Variants in ASAP1 observed in about 807,000 individuals in gnomAD.
ASAP1 encodes ArfGAP with SH3 domain, ankyrin repeat and PH domain 1.
ASAP1 carries 43 observed loss-of-function variants against 145.2 expected under a neutral mutation model. That is an observed-to-expected ratio of 0.30 (90% CI 0.23 to 0.38). The LOEUF is 0.38. ASAP1 is among the 10% of genes least tolerant of loss of function. The pLI is 1.00. For synonymous variants in ASAP1, 546 were observed against 515.5 expected (o/e 1.06, Z -0.80); for missense variants, 1,018 against 1,355.3 (o/e 0.75, Z 3.91).
At chr8:130,313,035 G>C (rs1046574389) in intron 3 of ASAP1, among the ~76,000 whole-genome samples, 8 of 152,178 alleles carry the variant, frequency 5.3e-5, no homozygotes, top group African/African-American at 1.9e-4. Context: ...GTTCATGAAA[G>C]AACACAAGTG....
intron 5 of ASAP1, chr8:130,208,885 A>G (rs1816398761): frequency 6.6e-6 from 1 of 152,198 alleles, no homozygotes; most frequent in Non-Finnish European, 1.5e-5. Flanking sequence ...AGCAAATTCA[A>G]AATTGCTTAG....
In ASAP1 at chr8:130,376,903, CAAAAAAAAAAAA is replaced by C. The variant is rs34006260; in HGVS notation, c.60-18772_60-18761del. The stretch of plus-strand genomic sequence containing the variant: ...CAGCAACAAGAGCAAAACTCCATCT[CAAAAAAAAAAAA>C]AAAAAAAAAAAAAAAGTCTTGCTCT... On this transcript the variant is annotated intron_variant, in intron 2 of 29. Transcript: ENST00000518721. 5.4e-4 allele frequency among the ~76,000 whole-genome samples: 14 copies of C among 26,020 alleles called. No individual in the cohort carries two copies. In the South Asian group the frequency reaches 6.3e-3, roughly 12 times the overall value. The allele number at this position is 26,020 out of a possible 152,430, so 17.1% of individuals were successfully genotyped here. A position where few individuals can be genotyped will look rare whatever the true frequency, so the allele number is the denominator to read the frequency against.
intron 3 of ASAP1, among the ~76,000 whole-genome samples, chr8:130,322,923 G>C (rs1393965236): frequency 6.6e-6 from 1 of 152,192 alleles, no homozygotes; most frequent in Non-Finnish European, 1.5e-5. Context: ...TGTGTCGGAT[G>C]GAACTTTCTA....
intron 4 of ASAP1, among the ~76,000 whole-genome samples, chr8:130,234,221 T>C (rs540335093): frequency 2.0e-5 from 3 of 152,200 alleles, no homozygotes; most frequent in East Asian, 1.9e-4. Flanking sequence ...CTATCCAATA[T>C]GGCACCCACT....
chr8:130,319,348 TC>T (rs2137638919), intron 3 of ASAP1, among the ~76,000 whole-genome samples: 1 of 152,318 alleles, frequency 6.6e-6, no homozygotes, highest in East Asian at 1.9e-4. Context: ...TGAGAAAAAT[TC>T]CTGGCACTTC....
chr8:130,370,326 A>C (rs13275883), intron 2 of ASAP1, among the ~76,000 whole-genome samples: 58,142 of 151,896 alleles, frequency 0.38, 11,680 homozygotes, highest in Non-Finnish European at 0.41. Flanking sequence ...AACAAACAAA[A>C]AAAACAGAGA....
At chr8:130,175,229 T>G (rs1035112677) in intron 9 of ASAP1, among the ~76,000 whole-genome samples, 1 of 152,106 alleles carries the variant, frequency 6.6e-6, no homozygotes, top group African/African-American at 2.4e-5. Context: ...TGTGTGTGTG[T>G]GTACAATTTT....
intron 27 of ASAP1, among the ~76,000 whole-genome samples, chr8:130,062,887 T>C (rs1020799535): frequency 2.6e-5 from 4 of 152,126 alleles, no homozygotes; most frequent in Non-Finnish European, 4.4e-5. Flanking sequence ...GACTGGAGGA[T>C]TGCTTGAGCC....
chr8:130,419,615 C>T lies in ASAP1; in HGVS notation c.-27-17645G>A, dbSNP rs548465567. 1.1e-4 allele frequency among the ~76,000 whole-genome samples: 17 copies of T among 152,242 alleles called. No individual in the cohort carries two copies. The East Asian group carries it at 3.3e-3, about 30-fold the overall frequency. On this transcript the variant is annotated intron_variant, in intron 1 of 29. Transcript: ENST00000518721. ...GTCCTCCCTTTTCCGTCTGACTCTG[C>T]ACCCCAAATTGACCTCAGGGACTAG...
intron 5 of ASAP1, among the ~76,000 whole-genome samples, chr8:130,195,871 A>G (rs571792995): frequency 6.6e-6 from 1 of 152,356 alleles, no homozygotes; most frequent in South Asian, 2.1e-4. Context: ...CTGTATATAT[A>G]AACATACATC....
At chr8:130,201,344 A>G (rs1281076828) in intron 5 of ASAP1, among the ~76,000 whole-genome samples, 1 of 152,222 alleles carries the variant, frequency 6.6e-6, no homozygotes, top group African/African-American at 2.4e-5. Context: ...ACCATGTGCT[A>G]AAGGCACTCG....
intron 1 of ASAP1, among the ~76,000 whole-genome samples, chr8:130,431,512 G>C (rs1830133879): frequency 1.3e-5 from 2 of 152,116 alleles, no homozygotes; most frequent in South Asian, 4.1e-4. Flanking sequence ...CCTACACCTA[G>C]AATTTCCTTC....
intron 20 of ASAP1, 31 bp downstream of exon 20, chr8:130,118,129 AG>A: frequency 6.4e-7 from 1 of 1,572,708 alleles, no homozygotes. Context: ...AGGCATATTC[AG>A]GTAATTCAAC....
At chr8:130,364,959 A>C (rs934222461) in intron 2 of ASAP1, among the ~76,000 whole-genome samples, 17 of 152,156 alleles carry the variant, frequency 1.1e-4, no homozygotes, top group African/African-American at 4.1e-4. Context: ...ATAAAATAAA[A>C]CACAAAAAAC....
intron 3 of ASAP1, among the ~76,000 whole-genome samples, chr8:130,291,790 A>G (rs1371648109): frequency 6.6e-6 from 1 of 152,198 alleles, no homozygotes; most frequent in Non-Finnish European, 1.5e-5. Flanking sequence ...ATTAGATCCC[A>G]AGATGCCATA....
intron 1 of ASAP1, among the ~76,000 whole-genome samples, chr8:130,429,892 T>A (rs375085445): frequency 7.2e-5 from 11 of 152,362 alleles, no homozygotes; most frequent in Admixed American, 2.0e-4. Context: ...TTTGTTGTTC[T>A]CTATAATAGC....
intron 3 of ASAP1, among the ~76,000 whole-genome samples, chr8:130,240,370 G>C (rs558518312): frequency 1.3e-5 from 2 of 152,068 alleles, no homozygotes; most frequent in African/African-American, 4.8e-5. Flanking sequence ...ACTTTTAAGA[G>C]CCTCATGTTT....
At chr8:130,442,654 A>T (rs1416291820) in intron 1 of ASAP1, among the ~76,000 whole-genome samples, 2 of 152,254 alleles carry the variant, frequency 1.3e-5, no homozygotes, top group African/African-American at 4.8e-5. Flanking sequence ...GAGTACAGGT[A>T]AAGTTGAGGT....
chr8:130,161,063 GCA>G (rs754225629), intron 11 of ASAP1, among the ~76,000 whole-genome samples: 6 of 152,112 alleles, frequency 3.9e-5, no homozygotes, highest in Admixed American at 6.5e-5. Context: ...AGAATGTGAG[GCA>G]CACACACATT....
Sources: allele counts gnomAD v4.1 joint callset (sites outside exome capture counted in the v4.1 genomes callset), GRCh38; gene constraint gnomAD v4.1.1; transcripts MANE v1.5; gene names NCBI Gene and HGNC (gene_info 2026-07-23, HGNC 2026-07-21).